The following KLF12 variants were observed in gnomAD, a reference collection of about 807,000 sequenced individuals.
The protein encoded by KLF12 is KLF transcription factor 12.
KLF12 carries 9 observed loss-of-function variants against 37.8 expected under a neutral mutation model. The observed-to-expected ratio is 0.24, with a 90% CI of 0.14 to 0.42. The LOEUF (loss-of-function observed/expected upper bound fraction) is 0.42. Among genes scored for constraint, KLF12 ranks in the 10% least tolerant of loss-of-function variants. The probability of loss-of-function intolerance (pLI) is 1.00; values close to 1 mark genes in which losing one functional copy is unlikely to be tolerated. For missense variants in KLF12, 411 were observed against 516.0 expected (o/e 0.80, Z 1.97); for synonymous variants, 208 against 202.1 (o/e 1.03, Z -0.25).
At chr13:73,784,496 C>G (rs1373088339) in intron 5 of KLF12, among the ~76,000 whole-genome samples, 2 of 145,190 alleles carry the variant, frequency 1.4e-5, no homozygotes, top group Non-Finnish European at 3.0e-5. Flanking sequence ...TGCGAACTTA[C>G]TTCAGTAACG....
chr13:73,808,929 A>G (rs1450644006), intron 5 of KLF12, among the ~76,000 whole-genome samples: 1 of 152,162 alleles, frequency 6.6e-6, no homozygotes, highest in Non-Finnish European at 1.5e-5. Context: ...CTTCCTTCAT[A>G]TCCCTTTCCT....
the KLF12 span, among the ~76,000 whole-genome samples, chr13:74,305,777 G>T: frequency 2.5e-4 from 38 of 151,976 alleles, no homozygotes; most frequent in African/African-American, 7.0e-4. Context: ...ATGATAAATT[G>T]CTGGGGAGTA....
the KLF12 span, among the ~76,000 whole-genome samples, chr13:74,202,837 G>A: frequency 6.6e-6 from 1 of 152,142 alleles, no homozygotes; most frequent in African/African-American, 2.4e-5. Flanking sequence ...GAACCATTGA[G>A]TGGTAGCCCT....
intron 1 of KLF12, among the ~76,000 whole-genome samples, chr13:74,100,282 C>A (rs563241039): frequency 6.6e-6 from 1 of 152,248 alleles, no homozygotes; most frequent in African/African-American, 2.4e-5. Flanking sequence ...AACTGCTACA[C>A]TGGAATTGGA....
chr13:73,918,360 T>G (rs748931371), intron 3 of KLF12, among the ~76,000 whole-genome samples: 3 of 152,204 alleles, frequency 2.0e-5, no homozygotes, highest in African/African-American at 7.2e-5. Context: ...CACTGAAATG[T>G]CTACAACTAT....
intron 3 of KLF12, among the ~76,000 whole-genome samples, chr13:73,934,963 TTA>T (rs141803013): frequency 1.3e-5 from 2 of 148,920 alleles, no homozygotes; most frequent in African/African-American, 4.9e-5. Context: ...ATTTATTTAT[TTA>T]TTTATTTATT....
chr13:74,032,268 A>C (rs1893134408), intron 1 of KLF12, among the ~76,000 whole-genome samples: 1 of 152,178 alleles, frequency 6.6e-6, no homozygotes, highest in Non-Finnish European at 1.5e-5. Context: ...ACTTGTAGTA[A>C]ACCAATATAA....
chr13:73,713,256 A>C (rs1313769776), intron 7 of KLF12, among the ~76,000 whole-genome samples: 1 of 152,148 alleles, frequency 6.6e-6, no homozygotes, highest in Non-Finnish European at 1.5e-5. Flanking sequence ...CCAAGACCTA[A>C]ACAGCACCGT....
the KLF12 span, among the ~76,000 whole-genome samples, chr13:74,241,169 A>G: frequency 2.0e-5 from 3 of 152,010 alleles, no homozygotes; most frequent in Non-Finnish European, 4.4e-5. Flanking sequence ...AACAGACAGG[A>G]CCCTCAGCTG....
intron 5 of KLF12, among the ~76,000 whole-genome samples, chr13:73,803,939 T>C (rs1317853051): frequency 6.6e-6 from 1 of 152,186 alleles, no homozygotes; most frequent in Non-Finnish European, 1.5e-5. Flanking sequence ...TGTATAACCA[T>C]ACCCAGTTTC....
intron 6 of KLF12, among the ~76,000 whole-genome samples, chr13:73,732,797 G>A (rs547413615): frequency 9.9e-5 from 15 of 151,930 alleles, no homozygotes; most frequent in African/African-American, 3.6e-4. Flanking sequence ...ATATCTTTTA[G>A]GCCTTCCACT....
At chr13:74,159,256 C>T in the KLF12 span, among the ~76,000 whole-genome samples, 2 of 152,134 alleles carry the variant, frequency 1.3e-5, no homozygotes, top group Non-Finnish European at 2.9e-5. Flanking sequence ...AAGGGTGCAC[C>T]CTTCAGAAAT....
At chr13:73,738,447 C>T (rs1320107530) in intron 6 of KLF12, among the ~76,000 whole-genome samples, 4 of 151,992 alleles carry the variant, frequency 2.6e-5, no homozygotes, top group East Asian at 1.9e-4. Context: ...CCACCATACC[C>T]GGCCCATCAC....
chr13:74,180,033 C>T, the KLF12 span, among the ~76,000 whole-genome samples: 8 of 152,130 alleles, frequency 5.3e-5, no homozygotes, highest in Non-Finnish European at 1.2e-4. Context: ...ATGATAAAGA[C>T]GTCTTCACTT....
At chr13:74,094,621 A>AT (rs1357763110) in intron 1 of KLF12, among the ~76,000 whole-genome samples, 1 of 148,738 alleles carries the variant, frequency 6.7e-6, no homozygotes, top group Non-Finnish European at 1.5e-5. Context: ...TTTTTTTGAG[A>AT]TGGAGTATCA....
At chr13:74,060,793 C>G (rs1873550632) in intron 1 of KLF12, among the ~76,000 whole-genome samples, 1 of 152,134 alleles carries the variant, frequency 6.6e-6, no homozygotes, top group African/African-American at 2.4e-5. Context: ...GCTAGGCCTT[C>G]CAGTACTCTG....
chr13:74,212,197 C>CGT, the KLF12 span, among the ~76,000 whole-genome samples: 2 of 152,110 alleles, frequency 1.3e-5, no homozygotes, highest in African/African-American at 4.8e-5. Flanking sequence ...AAAATATTCA[C>CGT]GTGCATTTTC....
At chr13:73,957,693 C>T (rs771085481) in intron 2 of KLF12, among the ~76,000 whole-genome samples, 2 of 152,020 alleles carry the variant, frequency 1.3e-5, no homozygotes, top group Admixed American at 1.3e-4. Flanking sequence ...ACAATATGAA[C>T]TGAAATATAA....
chr13:74,026,308 A>C (rs1202375119), intron 1 of KLF12, among the ~76,000 whole-genome samples: 1 of 152,214 alleles, frequency 6.6e-6, no homozygotes, highest in African/African-American at 2.4e-5. Context: ...AATATCTGCA[A>C]ATCAACCTCT....
Sources: gnomAD v4.1 joint callset for allele counts (sites outside exome capture counted in the v4.1 genomes callset) on GRCh38, gnomAD v4.1.1 for gene constraint, MANE v1.5 for transcripts, NCBI Gene and HGNC (gene_info 2026-07-23, HGNC 2026-07-21) for gene names.